The following ATP2C2 variants were observed in gnomAD, a reference collection of about 807,000 sequenced individuals.
ATP2C2 encodes the protein ATPase secretory pathway Ca2+ transporting 2.
ATP2C2 carries 171 observed loss-of-function variants against 110.8 expected under a neutral mutation model. The observed-to-expected ratio is 1.54, with a 90% CI of 1.36 to 1.75. ATP2C2 has a LOEUF of 1.75. Ranked by LOEUF, ATP2C2 falls within the 40% of genes most tolerant of loss-of-function variation. ATP2C2 has a pLI of 0.00. For synonymous variants in ATP2C2, 804 were observed against 508.4 expected (o/e 1.58, Z -7.82); for missense variants, 1,963 against 1,235.0 (o/e 1.59, Z -8.84).
rs555216864 is a variant in ATP2C2, at chr16:84,459,972, T to G, written c.2333+586T>G. On this transcript the variant is annotated intron_variant, in intron 23 of 26. Coordinates refer to ENST00000262429, the MANE Select transcript of ATP2C2 (RefSeq NM_014861.4). The stretch of plus-strand genomic sequence containing the variant: ...AGTGGTGTGGGGGAAGGAATGCGCT[T>G]TGGAGTCAGGGGACCCATCTGGCCA... The G allele has an allele frequency of 1.2e-4, 30 of 252,864 alleles. No homozygotes were observed. The East Asian group carries it at 2.8e-3, about 24-fold the overall frequency. 15.7% of individuals were successfully genotyped at this position (252,864 alleles called of 1,614,324 possible).
At chr16:84,386,691 C>T (rs1249969333) in intron 1 of ATP2C2, among the ~76,000 whole-genome samples, 3 of 152,162 alleles carry the variant, frequency 2.0e-5, no homozygotes, top group Non-Finnish European at 4.4e-5. Flanking sequence ...CTCTGAAGCC[C>T]CTCTTGACCT....
chr16:84,453,925 C>G (rs1458035405), intron 20 of ATP2C2, among the ~76,000 whole-genome samples: 3 of 152,134 alleles, frequency 2.0e-5, no homozygotes, highest in Admixed American at 1.3e-4. Flanking sequence ...ACTTCAACCT[C>G]TGCCTCCCAG....
intron 20 of ATP2C2, among the ~76,000 whole-genome samples, chr16:84,454,558 G>A (rs1466525009): frequency 2.0e-5 from 3 of 152,138 alleles, no homozygotes; most frequent in Non-Finnish European, 4.4e-5. Flanking sequence ...GCTGGGCACC[G>A]TCACATCCGT....
At chr16:84,442,988 G>C (rs1909410871) in intron 15 of ATP2C2, among the ~76,000 whole-genome samples, 1 of 152,084 alleles carries the variant, frequency 6.6e-6, no homozygotes, top group Non-Finnish European at 1.5e-5. Flanking sequence ...ATTGACTCCG[G>C]GGTTCAGTGT....
chr16:84,376,780 A>G (rs753011178), intron 1 of ATP2C2, among the ~76,000 whole-genome samples: 22 of 152,320 alleles, frequency 1.4e-4, no homozygotes, highest in Non-Finnish European at 2.9e-4. Flanking sequence ...TTCAGATCCA[A>G]TGATTACGCA....
Position 84,459,328 on chromosome 16 carries a change from C to G in ATP2C2, c.2275C>G (p.Leu759Val). The G allele has an allele frequency of 3.1e-6, 5 of 1,614,218 alleles. No individual in the cohort carries two copies. The highest frequency in any genetic ancestry group is 2.2e-5 in the South Asian group (2 of 91,086). Residue 759 changes from leucine (L) to valine (V), a missense_variant, in exon 23 of 27, where the codon CTC (leucine) becomes GTC (valine). Leu to Val is a conservative substitution (Grantham distance 32, BLOSUM62 1). Coordinates refer to ENST00000262429, the MANE Select transcript of ATP2C2 (RefSeq NM_014861.4). ...CACCGTGTTCAACCTGCCCAGCCCC[C>G]TCAACGCCATGCAGATCCTATGGAT... ...LSTVFNLPSP[L>V]NAMQILWINI...
chr16:84,424,401 C>T (rs969619215), intron 10 of ATP2C2, among the ~76,000 whole-genome samples: 1 of 152,048 alleles, frequency 6.6e-6, no homozygotes, highest in Non-Finnish European at 1.5e-5. Flanking sequence ...CCTCAGCCTC[C>T]TGAATCTCTG....
At chr16:84,419,842 C>G (rs1465034420) in intron 7 of ATP2C2, among the ~76,000 whole-genome samples, 9 of 152,124 alleles carry the variant, frequency 5.9e-5, no homozygotes, top group Non-Finnish European at 1.0e-4. Flanking sequence ...AAGTACTGTT[C>G]CAGGACTGCT....
rs371336541 is a variant in ATP2C2 at position 84,410,587 on chromosome 16, C to G, written c.437C>G (p.Thr146Ser). 14 of 1,614,128 alleles carry G rather than the reference C, an allele frequency of 8.7e-6. No individual in the cohort carries two copies. Among genetic ancestry groups the G allele is most frequent in the Non-Finnish European group, 1.2e-5 (14 of 1,180,006 alleles). ...SIATAVLVVV[T>S]VAFIQEYRSE... ...GTCTAGGCAGTGCTTGTCGTGGTCACTGTCGCCTTCATCCAGGTGAGTATT... is the reference window on the plus strand; with the variant it reads ...GTCTAGGCAGTGCTTGTCGTGGTCAGTGTCGCCTTCATCCAGGTGAGTATT... Residue 146 changes from threonine to serine, a missense_variant, in exon 5 of 27, where the codon ACT becomes AGT. By Grantham distance (58) the Thr-to-Ser change is moderately conservative (BLOSUM62 1). Transcript: ENST00000262429.
chr16:84,378,777 A>C (rs1391993876), intron 1 of ATP2C2, among the ~76,000 whole-genome samples: 1 of 152,180 alleles, frequency 6.6e-6, no homozygotes, highest in Non-Finnish European at 1.5e-5. Context: ...AATCTCAAGA[A>C]GGCGGCAGCA....
At chr16:84,444,609 ACTC>A (rs1909578131) in intron 15 of ATP2C2, among the ~76,000 whole-genome samples, 1 of 152,000 alleles carries the variant, frequency 6.6e-6, no homozygotes, top group African/African-American at 2.4e-5. Context: ...CCATTCAACA[ACTC>A]CTCGCCGCCC....
At chr16:84,375,669 T>C (rs903457893) in intron 1 of ATP2C2, among the ~76,000 whole-genome samples, 1 of 152,222 alleles carries the variant, frequency 6.6e-6, no homozygotes, top group African/African-American at 2.4e-5. Context: ...TGATGTATCA[T>C]TCAGTGGAAA....
intron 3 of ATP2C2, among the ~76,000 whole-genome samples, chr16:84,408,102 G>A (rs761383347): frequency 3.7e-4 from 56 of 152,298 alleles, no homozygotes; most frequent in Non-Finnish European, 6.2e-4. Flanking sequence ...GCATCTTGCC[G>A]AAAGTCCCGG....
In ATP2C2 at chr16:84,452,037, G is replaced by C; in HGVS notation, c.1777G>C (p.Gly593Arg). ...AGCAGTCCAGGTTCTCTCCGAGTCT[G>C]GTGTGTCTGTGAAGATGATAACGGG... is the stretch of plus-strand genomic sequence containing the variant. ...KEAVQVLSES[G>R]VSVKMITGDA... The change falls in exon 18 of 27, where the codon GGT (glycine) becomes CGT (arginine). Residue 593 changes from glycine (G) to arginine (R), a missense_variant. Coordinates refer to ENST00000262429, the MANE Select transcript of ATP2C2 (RefSeq NM_014861.4). 6.2e-7 allele frequency: 1 copy of C among 1,613,838 alleles called. No individual in the cohort carries two copies. The highest frequency in any genetic ancestry group is 8.5e-7 in the Non-Finnish European group (1 of 1,179,972).
At chr16:84,420,563 C>T (rs11647335) in intron 7 of ATP2C2, among the ~76,000 whole-genome samples, 35,803 of 151,342 alleles carry the variant, frequency 0.24, 4,560 homozygotes, top group Non-Finnish European at 0.29. Flanking sequence ...ACCCCTCACC[C>T]GGGATCCCCT....
intron 23 of ATP2C2, chr16:84,459,712 C>T (rs141789203): frequency 6.0e-6 from 5 of 839,976 alleles, no homozygotes; most frequent in Admixed American, 2.4e-5. Flanking sequence ...TCCCTGATTG[C>T]ACTCCCACTC....
chr16:84,422,761 T>A, intron 9 of ATP2C2, 64 bp downstream of exon 9: 1 of 1,493,182 alleles, frequency 6.7e-7, no homozygotes, highest in Non-Finnish European at 9.1e-7. Context: ...TATAGGCAAA[T>A]AATACCAGCC....
At chr16:84,445,861 G>A (rs1909700743) in intron 15 of ATP2C2, among the ~76,000 whole-genome samples, 1 of 152,228 alleles carries the variant, frequency 6.6e-6, no homozygotes, top group South Asian at 2.1e-4. Context: ...TACACCTGGG[G>A]AAACTGAGAT....
In ATP2C2 at chr16:84,461,884, C is replaced by G. The variant is rs181812727; in HGVS notation, c.2580+72C>G. 56 of 1,608,294 alleles carry G rather than the reference C, an allele frequency of 3.5e-5. No individual in the cohort carries two copies. The African/African-American group carries it at 6.7e-4, about 19-fold the overall frequency. On this transcript the variant is annotated intron_variant, in intron 25 of 26. Coordinates refer to ENST00000262429, the MANE Select transcript of ATP2C2 (RefSeq NM_014861.4). ...TCGACAGCAGCGCCCCGACCCTGCC[C>G]GCAGCATTGAGCGGCTCTGGCTCAG...
Sources: gnomAD v4.1 joint callset for allele counts (sites outside exome capture counted in the v4.1 genomes callset) on GRCh38, gnomAD v4.1.1 for gene constraint, MANE v1.5 for transcripts, NCBI Gene and HGNC (gene_info 2026-07-23, HGNC 2026-07-21) for gene names.